ENOX2: variants seen among roughly 807,000 people sequenced by gnomAD.
The protein encoded by ENOX2 is APK1 antigen.
A neutral mutation model predicts 45.0 loss-of-function variants in ENOX2; 36 were observed. The observed-to-expected ratio is 0.80, with a 90% CI of 0.61 to 1.06. ENOX2 has a LOEUF of 1.06. Among genes scored for constraint, ENOX2 ranks in the 50% least tolerant of loss-of-function variants. The probability of loss-of-function intolerance (pLI) is 0.00; values close to 1 mark genes in which losing one functional copy is unlikely to be tolerated. For missense variants in ENOX2, 423 were observed against 462.5 expected (o/e 0.91, Z 0.78); for synonymous variants, 174 against 152.3 (o/e 1.14, Z -1.05).
At chrX:130,629,203 T>C (rs749869432) in intron 13 of ENOX2, among the ~76,000 whole-genome samples, 88 of 112,505 alleles carry the variant, frequency 7.8e-4, no homozygotes, top group South Asian at 2.6e-3. Context: ...ACTAGATAAA[T>C]TGAATTTCTA....
chrX:130,756,133 A>C (rs767983169), intron 3 of ENOX2, among the ~76,000 whole-genome samples: 1 of 112,165 alleles, frequency 8.9e-6, no homozygotes, highest in South Asian at 3.7e-4. Flanking sequence ...TTTAGCTCTT[A>C]CGGGATCCCA....
intron 3 of ENOX2, among the ~76,000 whole-genome samples, chrX:130,746,995 G>A (rs1219411913): frequency 8.9e-6 from 1 of 112,200 alleles, no homozygotes; most frequent in African/African-American, 3.2e-5. Context: ...AGAATTATCT[G>A]TGCTTATCTC....
chrX:130,752,321 C>A (rs1053813308), intron 3 of ENOX2, among the ~76,000 whole-genome samples: 8 of 110,553 alleles, frequency 7.2e-5, no homozygotes, highest in Non-Finnish European at 1.5e-4. Context: ...CTCTATCTCT[C>A]TACTTTCTGT....
chrX:130,865,975 T>C (rs2078488268), intron 2 of ENOX2, among the ~76,000 whole-genome samples: 1 of 111,511 alleles, frequency 9.0e-6, no homozygotes. Flanking sequence ...CTCGATTTTA[T>C]ATTTCTCATT....
intron 11 of ENOX2, 67 bp from the exon 12 acceptor site, chrX:130,635,158 G>T: frequency 1.6e-6 from 1 of 631,990 alleles, no homozygotes; most frequent in Non-Finnish European, 2.4e-6. Flanking sequence ...AAAATCTCTG[G>T]CTGAAATCAG....
At chrX:130,824,843 T>C (rs1368176340) in intron 2 of ENOX2, among the ~76,000 whole-genome samples, 1 of 111,724 alleles carries the variant, frequency 9.0e-6, no homozygotes, top group African/African-American at 3.2e-5. Flanking sequence ...ATTTCATACC[T>C]ATGAAATTGA....
chrX:130,678,194 T>C (rs755556785), intron 6 of ENOX2, among the ~76,000 whole-genome samples: 1 of 111,340 alleles, frequency 9.0e-6, no homozygotes, highest in Admixed American at 9.5e-5. Context: ...GGAGATTTTA[T>C]GCAAAGTAGT....
At chrX:130,670,999 C>T in intron 6 of ENOX2, among the ~76,000 whole-genome samples, 1 of 111,459 alleles carries the variant, frequency 9.0e-6, no homozygotes, top group East Asian at 2.8e-4. Flanking sequence ...ATTATCAGCA[C>T]AAGCTTGCAG....
intron 6 of ENOX2, among the ~76,000 whole-genome samples, chrX:130,672,811 T>G (rs1050130826): frequency 3.6e-5 from 4 of 111,497 alleles, no homozygotes; most frequent in Non-Finnish European, 7.5e-5. Flanking sequence ...TGAAGAGACC[T>G]CGGCACATTT....
At chrX:130,879,040 A>G (rs1446131876) in intron 2 of ENOX2, among the ~76,000 whole-genome samples, 1 of 111,860 alleles carries the variant, frequency 8.9e-6, no homozygotes, top group Non-Finnish European at 1.9e-5. Flanking sequence ...ATTGAGGTGA[A>G]TGCAGATTGT....
intron 3 of ENOX2, among the ~76,000 whole-genome samples, chrX:130,735,819 GA>G (rs2038846455): frequency 9.0e-6 from 1 of 111,012 alleles, no homozygotes; most frequent in Admixed American, 9.6e-5. Context: ...TATCTTTACT[GA>G]CATTGAAAGA....
chrX:130,719,259 T>G (rs1432050210), intron 3 of ENOX2, among the ~76,000 whole-genome samples: 2 of 110,986 alleles, frequency 1.8e-5, no homozygotes, highest in Non-Finnish European at 3.8e-5. Flanking sequence ...ACGCAAGTTG[T>G]GCACAATTCC....
chrX:130,757,552 A>G (rs1427035969), intron 3 of ENOX2, among the ~76,000 whole-genome samples: 1 of 111,670 alleles, frequency 9.0e-6, no homozygotes, highest in Non-Finnish European at 1.9e-5. Flanking sequence ...GGCCCTTCCC[A>G]GTTCTTATGT....
At chrX:130,754,505 G>C (rs2039304182) in intron 3 of ENOX2, among the ~76,000 whole-genome samples, 1 of 111,705 alleles carries the variant, frequency 9.0e-6, no homozygotes, top group Non-Finnish European at 1.9e-5. Context: ...ATCAATGGTG[G>C]ATTGGATAAA....
chrX:130,662,617 TC>T (rs1287054939), intron 9 of ENOX2, among the ~76,000 whole-genome samples: 1 of 111,741 alleles, frequency 8.9e-6, no homozygotes, highest in African/African-American at 3.3e-5. Context: ...TTTATTTATT[TC>T]TCACAGGATA....
intron 4 of ENOX2, among the ~76,000 whole-genome samples, chrX:130,699,022 T>C (rs1040895844): frequency 8.9e-6 from 1 of 112,094 alleles, no homozygotes; most frequent in Non-Finnish European, 1.9e-5. Flanking sequence ...CTTGGATTCA[T>C]CTGGAATGAC....
chrX:130,732,757 C>T (rs1466858062), intron 3 of ENOX2, among the ~76,000 whole-genome samples: 1 of 110,790 alleles, frequency 9.0e-6, no homozygotes, highest in African/African-American at 3.3e-5. Context: ...AACAAGAGCA[C>T]CAAAAATACG....
chrX:130,707,807 A>C (rs1217924372), intron 3 of ENOX2, among the ~76,000 whole-genome samples: 1 of 112,303 alleles, frequency 8.9e-6, no homozygotes, highest in Non-Finnish European at 1.9e-5. Flanking sequence ...CTGTCTAATC[A>C]TCAAGAGCAT....
intron 3 of ENOX2, among the ~76,000 whole-genome samples, chrX:130,739,364 G>A (rs2038929566): frequency 8.9e-6 from 1 of 111,998 alleles, no homozygotes; most frequent in Non-Finnish European, 1.9e-5. Context: ...GCATGTTTAA[G>A]GTAGGCTAGG....
Sources: gnomAD v4.1 joint callset for allele counts (sites outside exome capture counted in the v4.1 genomes callset) on GRCh38, gnomAD v4.1.1 for gene constraint, MANE v1.5 for transcripts, NCBI Gene and HGNC (gene_info 2026-07-23, HGNC 2026-07-21) for gene names.